The following TENM1 variants were observed in gnomAD, a reference collection of about 807,000 sequenced individuals.
The protein encoded by TENM1 is teneurin-1.
A neutral mutation model predicts 174.8 loss-of-function variants in TENM1; 35 were observed. That is an observed-to-expected ratio of 0.20 (90% CI 0.15 to 0.27). The LOEUF (loss-of-function observed/expected upper bound fraction) is 0.27, where lower values mean the gene tolerates loss of function less well. Among genes scored for constraint, TENM1 ranks in the 10% least tolerant of loss-of-function variants. The pLI is 1.00. For synonymous variants in TENM1, 781 were observed against 798.7 expected (o/e 0.98, Z 0.37); for missense variants, 1,633 against 2,130.1 (o/e 0.77, Z 4.59).
intron 12 of TENM1, 65 bp from the exon 16 acceptor site, chrX:124,563,837 C>A: frequency 9.9e-7 from 1 of 1,008,521 alleles, no homozygotes; most frequent in South Asian, 2.7e-5. Context: ...ACAATATGTA[C>A]TAATGGTTTA....
At chrX:125,129,360 G>A in the TENM1 span, among the ~76,000 whole-genome samples, 1 of 111,277 alleles carries the variant, frequency 9.0e-6, no homozygotes. Context: ...TATATTTTTG[G>A]GTTACGTGAG....
At chrX:125,124,854 C>G in the TENM1 span, among the ~76,000 whole-genome samples, 2 of 112,005 alleles carry the variant, frequency 1.8e-5, no homozygotes, top group Non-Finnish European at 3.8e-5. Flanking sequence ...AACTTCTCAG[C>G]CTCTTTTGAC....
intron 11 of TENM1, among the ~76,000 whole-genome samples, chrX:124,635,294 T>C (rs2050853352): frequency 8.9e-6 from 1 of 112,280 alleles, no homozygotes; most frequent in East Asian, 2.8e-4. Flanking sequence ...TATACTGATA[T>C]CTTTCTGATG....
intron 23 of TENM1, among the ~76,000 whole-genome samples, chrX:124,445,729 A>T (rs1450084852): frequency 8.9e-6 from 1 of 112,340 alleles, no homozygotes. Flanking sequence ...TGTATCTCCT[A>T]TTGGGCTGAC....
intron 11 of TENM1, among the ~76,000 whole-genome samples, chrX:124,585,107 G>C (rs1004289853): frequency 2.8e-4 from 31 of 110,474 alleles, no homozygotes; most frequent in Non-Finnish European, 2.1e-4. Flanking sequence ...ACACCCCACT[G>C]TCAACATTAG....
intron 3 of TENM1, among the ~76,000 whole-genome samples, chrX:124,761,290 A>T (rs1394146122): frequency 1.8e-5 from 2 of 110,627 alleles, no homozygotes; most frequent in African/African-American, 6.6e-5. Flanking sequence ...CTTGGAGCCA[A>T]CCCAAATGTC....
intron 3 of TENM1, among the ~76,000 whole-genome samples, chrX:124,820,896 C>A (rs771888586): frequency 8.9e-6 from 1 of 112,230 alleles, no homozygotes; most frequent in East Asian, 2.8e-4. Flanking sequence ...TATTGCTTCC[C>A]CTTTTGTTAA....
chrX:124,541,876 G>A (rs1295706494), intron 15 of TENM1, among the ~76,000 whole-genome samples: 1 of 112,248 alleles, frequency 8.9e-6, no homozygotes, highest in Non-Finnish European at 1.9e-5. Context: ...TGACACAAGT[G>A]ACACTGTGAC....
At chrX:124,938,143 A>G (rs1308052294) in intron 1 of TENM1, among the ~76,000 whole-genome samples, 1 of 112,062 alleles carries the variant, frequency 8.9e-6, no homozygotes, top group Non-Finnish European at 1.9e-5. Flanking sequence ...ATATAAACCT[A>G]TAAATGTCTG....
chrX:124,837,187 C>A (rs1261916309), intron 3 of TENM1, among the ~76,000 whole-genome samples: 3 of 112,334 alleles, frequency 2.7e-5, no homozygotes, highest in Non-Finnish European at 5.6e-5. Context: ...CTCCCGGGTT[C>A]AAGTGATTCT....
At chrX:124,825,411 C>T (rs2056137026) in intron 3 of TENM1, among the ~76,000 whole-genome samples, 1 of 109,136 alleles carries the variant, frequency 9.2e-6, no homozygotes, top group African/African-American at 3.3e-5. Flanking sequence ...GTGATCCACC[C>T]GCTTCAGTCT....
intron 3 of TENM1, among the ~76,000 whole-genome samples, chrX:124,800,480 T>C (rs1273950642): frequency 1.8e-5 from 2 of 111,566 alleles, no homozygotes; most frequent in African/African-American, 6.5e-5. Flanking sequence ...TATTTGATTC[T>C]TCTCTCTTTT....
chrX:124,713,161 A>G (rs1327235533), intron 4 of TENM1, among the ~76,000 whole-genome samples: 1 of 112,094 alleles, frequency 8.9e-6, no homozygotes, highest in Admixed American at 9.4e-5. Flanking sequence ...GAATTTCTGG[A>G]TACCTATCTA....
At chrX:124,483,878 T>C (rs1192698524) in intron 21 of TENM1, among the ~76,000 whole-genome samples, 1 of 111,959 alleles carries the variant, frequency 8.9e-6, no homozygotes, top group Non-Finnish European at 1.9e-5. Flanking sequence ...GGGACTTGTG[T>C]CTTAGCAGCA....
the TENM1 span, among the ~76,000 whole-genome samples, chrX:125,037,500 G>A: frequency 1.8e-5 from 2 of 110,604 alleles, no homozygotes; most frequent in East Asian, 5.8e-4. Context: ...GTACCTTCCC[G>A]TTCACCCTGC....
chrX:124,845,588 T>G (rs755520376), intron 3 of TENM1, among the ~76,000 whole-genome samples: 1 of 111,822 alleles, frequency 8.9e-6, no homozygotes, highest in Non-Finnish European at 1.9e-5. Flanking sequence ...CCCTTGGTTT[T>G]GTCTTTCTCT....
chrX:124,671,830 G>A, exon 6 of TENM1: 1 of 1,208,827 alleles, frequency 8.3e-7, no homozygotes, highest in Admixed American at 2.2e-5. Context: ...CCGAACAAAT[G>A]CACTGCTGCA....
At chrX:124,463,837 GTGTGT>G (rs1180681205) in intron 22 of TENM1, among the ~76,000 whole-genome samples, 1 of 30,237 alleles carries the variant, frequency 3.3e-5, no homozygotes, top group East Asian at 7.8e-4. Flanking sequence ...AGAGGTTGGG[GTGTGT>G]GTGTGTGTGT....
At chrX:124,919,308 C>G (rs1229296331) in intron 1 of TENM1, among the ~76,000 whole-genome samples, 1 of 111,501 alleles carries the variant, frequency 9.0e-6, no homozygotes, top group Non-Finnish European at 1.9e-5. Flanking sequence ...CCATGATAGT[C>G]TACAAAAAAG....
Sources: allele counts gnomAD v4.1 joint callset (sites outside exome capture counted in the v4.1 genomes callset), GRCh38; gene constraint gnomAD v4.1.1; transcripts MANE v1.5; gene names NCBI Gene and HGNC (gene_info 2026-07-23, HGNC 2026-07-21).